The following CNBD1 variants were observed in gnomAD, a reference collection of about 807,000 sequenced individuals.
The protein encoded by CNBD1 is cyclic nucleotide binding domain containing 1.
In CNBD1, 71 loss-of-function variants were observed where a neutral mutation model predicts 54.4. The ratio of observed to expected loss-of-function variants is 1.30; its 90% CI spans 1.08 to 1.59. The LOEUF is 1.59. Among genes scored for constraint, CNBD1 ranks in the 40% most tolerant of loss-of-function variants. The probability of loss-of-function intolerance (pLI) is 0.00; values close to 1 mark genes in which losing one functional copy is unlikely to be tolerated. For missense variants in CNBD1, 659 were observed against 518.0 expected (o/e 1.27, Z -2.64); for synonymous variants, 182 against 170.7 (o/e 1.07, Z -0.51).
intron 5 of CNBD1, among the ~76,000 whole-genome samples, chr8:87,209,163 G>T (rs1814040190): frequency 6.6e-6 from 1 of 152,022 alleles, no homozygotes; most frequent in Non-Finnish European, 1.5e-5. Context: ...AGAAACCCAG[G>T]AAAGGAAGGC....
At chr8:87,206,228 T>A in intron 5 of CNBD1, 90 bp downstream of exon 5, 1 of 1,041,502 alleles carries the variant, frequency 9.6e-7, no homozygotes, top group Non-Finnish European at 1.3e-6. Context: ...TAATTTCACT[T>A]AACAATTTCA....
intron 10 of CNBD1, among the ~76,000 whole-genome samples, chr8:87,363,659 G>A (rs1427002790): frequency 6.6e-6 from 1 of 151,910 alleles, no homozygotes; most frequent in East Asian, 1.9e-4. Context: ...CTTCTTTTGA[G>A]GAGTGTCTGT....
intron 4 of CNBD1, among the ~76,000 whole-genome samples, chr8:87,193,038 GT>G (rs1359134561): frequency 1.3e-5 from 2 of 152,076 alleles, no homozygotes; most frequent in Admixed American, 6.6e-5. Flanking sequence ...GGAAGGATAT[GT>G]TTTTATTTAA....
chr8:87,002,940 T>C (rs1809023179), intron 4 of CNBD1, among the ~76,000 whole-genome samples: 2 of 152,168 alleles, frequency 1.3e-5, no homozygotes, highest in Admixed American at 1.3e-4. Context: ...ATTGACTATT[T>C]TAGGTAATTA....
At chr8:87,239,474 G>T (rs1807648305) in intron 6 of CNBD1, among the ~76,000 whole-genome samples, 1 of 151,872 alleles carries the variant, frequency 6.6e-6, no homozygotes, top group Non-Finnish European at 1.5e-5. Context: ...ACACATAAAG[G>T]GCTATATTTT....
chr8:86,923,824 A>G lies in CNBD1; in HGVS notation c.273-15772A>G, dbSNP rs1323549765. 2.0e-5 allele frequency among the ~76,000 whole-genome samples: 3 copies of G among 152,290 alleles called. No homozygotes were observed. In the South Asian group the frequency reaches 6.2e-4, roughly 32 times the overall value. ...GAATAAAGAGAGCATTTAAAGAAGA[A>G]TCATAGAAGGACAGGTGACATCAGA... On this transcript the variant is annotated intron_variant, in intron 3 of 10. Transcript: ENST00000518476.
intron 4 of CNBD1, among the ~76,000 whole-genome samples, chr8:87,059,771 G>C (rs773661188): frequency 1.3e-5 from 2 of 152,182 alleles, no homozygotes; most frequent in Non-Finnish European, 2.9e-5. Flanking sequence ...AGATTTTGGC[G>C]TGGGCACAGC....
Position 87,053,189 on chromosome 8 carries a change from C to T in CNBD1, c.431+113435C>T, listed in dbSNP as rs866491327. 3.3e-5 allele frequency among the ~76,000 whole-genome samples: 5 copies of T among 152,152 alleles called. No individual in the cohort carries two copies. The South Asian group carries it at 6.2e-4, about 19-fold the overall frequency. On this transcript the variant is annotated intron_variant, in intron 4 of 10. Transcript: ENST00000518476. ...ATGCTTACAAAGATTTGGGTTGTGT[C>T]GCAGGACAAAGAAAGCCAGTACATA...
intron 10 of CNBD1, among the ~76,000 whole-genome samples, chr8:87,357,157 G>A (rs557341278): frequency 6.6e-6 from 1 of 152,190 alleles, no homozygotes; most frequent in Non-Finnish European, 1.5e-5. Context: ...GAAGGCTCCT[G>A]CAGGGGCCCC....
chr8:86,959,361 C>T (rs7464389), intron 4 of CNBD1, among the ~76,000 whole-genome samples: 34,904 of 151,958 alleles, frequency 0.23, 4,115 homozygotes, highest in Non-Finnish European at 0.25. Flanking sequence ...ATCTTCATGG[C>T]GTTCTCTGTA....
chr8:87,203,793 C>T (rs764847318), intron 4 of CNBD1, among the ~76,000 whole-genome samples: 10 of 152,122 alleles, frequency 6.6e-5, no homozygotes, highest in East Asian at 1.9e-4. Context: ...TTATTTGTTG[C>T]TATCCCCTTA....
At chr8:87,417,589 G>C (rs2130990299) in intron 2 of CNBD1, among the ~76,000 whole-genome samples, 1 of 151,958 alleles carries the variant, frequency 6.6e-6, no homozygotes, top group South Asian at 2.1e-4. Flanking sequence ...TGTGTATATA[G>C]AAAAATCCTA....
At chr8:87,240,879 T>C (rs1004136924) in intron 6 of CNBD1, among the ~76,000 whole-genome samples, 1 of 152,116 alleles carries the variant, frequency 6.6e-6, no homozygotes, top group Non-Finnish European at 1.5e-5. Context: ...CAGTGACCAC[T>C]TGAATCGCTT....
At chr8:87,302,664 G>A (rs986390636) in intron 8 of CNBD1, among the ~76,000 whole-genome samples, 1 of 151,698 alleles carries the variant, frequency 6.6e-6, no homozygotes, top group African/African-American at 2.4e-5. Context: ...GGAAATAAAG[G>A]GTATTCAATT....
rs566832063 is a variant in CNBD1 at position 87,047,479 on chromosome 8, C to G, written c.431+107725C>G. On this transcript the variant is annotated intron_variant, in intron 4 of 10. Transcript: ENST00000518476. ...GAGCAATGGCTGGTACTGTTCGGGT[C>G]AAAGACTAAAAAGCATTCCTGCCTC... Among the ~76,000 whole-genome samples the G allele has an allele frequency of 5.3e-5, 8 of 152,142 alleles. No homozygotes were observed. In the South Asian group the frequency reaches 1.7e-3, roughly 32 times the overall value.
At chr8:86,908,040 C>T (rs1809044680) in intron 3 of CNBD1, among the ~76,000 whole-genome samples, 1 of 152,112 alleles carries the variant, frequency 6.6e-6, no homozygotes, top group Non-Finnish European at 1.5e-5. Flanking sequence ...AAGGCACCTG[C>T]CTGGTTGTGG....
chr8:86,953,604 T>A (rs1227101918), intron 4 of CNBD1, among the ~76,000 whole-genome samples: 1 of 152,178 alleles, frequency 6.6e-6, no homozygotes, highest in Non-Finnish European at 1.5e-5. Context: ...CGGTGGCTCA[T>A]GCCTGTAATC....
intron 4 of CNBD1, among the ~76,000 whole-genome samples, chr8:87,179,370 T>C (rs1322532674): frequency 6.6e-6 from 1 of 152,214 alleles, no homozygotes; most frequent in African/African-American, 2.4e-5. Context: ...AATATGATTA[T>C]GACTTTAAAG....
intron 3 of CNBD1, among the ~76,000 whole-genome samples, chr8:86,929,078 C>T (rs1267913405): frequency 6.6e-6 from 1 of 152,182 alleles, no homozygotes; most frequent in Non-Finnish European, 1.5e-5. Context: ...ATGGGAAGTT[C>T]TGCCTGGCAG....
Sources: gnomAD v4.1 joint callset for allele counts (sites outside exome capture counted in the v4.1 genomes callset) on GRCh38, gnomAD v4.1.1 for gene constraint, MANE v1.5 for transcripts, NCBI Gene and HGNC (gene_info 2026-07-23, HGNC 2026-07-21) for gene names.